The following APMAP variants were observed in gnomAD, a reference collection of about 807,000 sequenced individuals.
The protein encoded by APMAP is adipocyte plasma membrane-associated protein.
APMAP carries 33 observed loss-of-function variants against 43.6 expected under a neutral mutation model. The observed-to-expected ratio is 0.76, with a 90% confidence interval of 0.57 to 1.01. The LOEUF is 1.01. APMAP is among the 50% of genes least tolerant of loss of function. APMAP has a pLI of 0.00. For synonymous variants in APMAP, 224 were observed against 216.7 expected (o/e 1.03, Z -0.30); for missense variants, 498 against 540.7 (o/e 0.92, Z 0.78).
chr20:24,976,416 A>G (rs545406237), intron 3 of APMAP, among the ~76,000 whole-genome samples: 1 of 152,250 alleles, frequency 6.6e-6, no homozygotes, highest in Non-Finnish European at 1.5e-5. Context: ...AAGAAGATAT[A>G]CAGATGGCAG....
intron 4 of APMAP, among the ~76,000 whole-genome samples, chr20:24,972,001 G>T (rs957011806): frequency 6.8e-6 from 1 of 147,284 alleles, no homozygotes; most frequent in South Asian, 2.2e-4. Context: ...TCACTGTGGG[G>T]TGCTCACTAC....
Position 24,970,287 on chromosome 20 carries a change from T to A in APMAP, c.623A>T (p.Asp208Val). 6.2e-7 allele frequency: 1 copy of A among 1,613,934 alleles called. No homozygotes were observed. The highest frequency in any genetic ancestry group is 8.5e-7 in the Non-Finnish European group (1 of 1,180,004). ...ATCGGTGAAATAAATCTTCCTCCCA[T>A]CCTGAGTGACTGTAAGATCATTCAC... ...SFVNDLTVTQ[D>V]GRKIYFTDSS... Residue 208 changes from aspartate (D) to valine (V), a missense_variant, in exon 6 of 9, where the codon GAT becomes GTT. By Grantham distance (152) the Asp-to-Val change is radical. Coordinates refer to ENST00000217456, the MANE Select transcript of APMAP (RefSeq NM_020531.3).
intron 8 of APMAP, among the ~76,000 whole-genome samples, chr20:24,966,269 G>C (rs773414484): frequency 6.6e-6 from 1 of 152,206 alleles, no homozygotes; most frequent in Non-Finnish European, 1.5e-5. Context: ...GGCCACAGAT[G>C]GGTAATTTGA....
At position 24,971,536 on chromosome 20, in the gene APMAP, A is replaced by G; in HGVS notation, c.462T>C (p.Gly154=). The G allele has an allele frequency of 6.2e-7, 1 of 1,614,216 alleles. No homozygotes were observed. The highest frequency in any genetic ancestry group is 8.5e-7 in the Non-Finnish European group (1 of 1,180,040). The change falls in exon 5 of 9, where the codon GGT becomes GGC. Residue 154 remains glycine, a synonymous_variant. Transcript: ENST00000217456. ...DDEPVCGRPL[G]IRAGPNGTLF... is the part of the protein sequence containing the mutation. ...GAGTCCCATTGGGCCCTGCACGGAT[A>G]CCCAGGGGTCTCCCACACACAGGCT... is the stretch of plus-strand genomic sequence containing the variant.
intron 2 of APMAP, among the ~76,000 whole-genome samples, 162 bp downstream of exon 2, chr20:24,983,741 A>G (rs896229752): frequency 2.0e-5 from 3 of 152,196 alleles, no homozygotes; most frequent in Admixed American, 6.5e-5. Flanking sequence ...GTAACATCTA[A>G]TTCAGCATAA....
rs1416283532 is a variant in APMAP at position 24,992,622 on chromosome 20, C to T, written c.67G>A (p.Gly23Ser). ...LRPQVVTDDD[G>S]QAPEAKDGSS... ...CCGTCCTTAGCCTCCGGGGCCTGGC[C>T]ATCATCGTCTGTGACGACCTGCGGC... Residue 23 changes from glycine (G) to serine (S), a missense_variant, in exon 1 of 9, where the codon GGC (glycine) becomes AGC (serine). By Grantham distance (56) the Gly-to-Ser change is moderately conservative. Coordinates refer to ENST00000217456, the MANE Select transcript of APMAP (RefSeq NM_020531.3). 1.3e-6 allele frequency: 2 copies of T among 1,571,506 alleles called. No homozygotes were observed. The highest frequency in any genetic ancestry group is 1.7e-6 in the Non-Finnish European group (2 of 1,159,364).
chr20:24,965,084 C>A (rs554090938), intron 8 of APMAP, among the ~76,000 whole-genome samples: 1 of 152,354 alleles, frequency 6.6e-6, no homozygotes, highest in East Asian at 1.9e-4. Context: ...ATCTCCAACA[C>A]CAGTGCTAAG....
intron 1 of APMAP, among the ~76,000 whole-genome samples, chr20:24,989,987 T>C (rs144049129): frequency 6.6e-6 from 1 of 152,350 alleles, no homozygotes; most frequent in African/African-American, 2.4e-5. Context: ...TTGAAACATA[T>C]TAAATCCTCA....
At chr20:24,969,170 TC>T in intron 7 of APMAP, 86 bp from the exon 8 acceptor site, 3 of 1,282,456 alleles carry the variant, frequency 2.3e-6, no homozygotes, top group Non-Finnish European at 3.2e-6. Context: ...CTGGTCTTGG[TC>T]CAAATATATA....
In APMAP at chr20:24,978,865, A is replaced by C; in HGVS notation, c.230T>G (p.Leu77Arg). The part of the protein sequence containing the change: ...PQPLSFKEPP[L>R]LLGVLHPNTK... ...ATTTGGATGCAGAACACCAAGCAAG[A>C]GCGGGGGTTCTTTGAAGCTGCAAAA... Residue 77 changes from leucine to arginine, a missense_variant, in exon 3 of 9, where the codon CTC (leucine) becomes CGC (arginine). Coordinates refer to ENST00000217456, the MANE Select transcript of APMAP (RefSeq NM_020531.3). The C allele has an allele frequency of 6.2e-7, 1 of 1,613,852 alleles. No homozygotes were observed. Among genetic ancestry groups the C allele is most frequent in the African/African-American group, 1.3e-5 (1 of 74,994 alleles).
chr20:24,969,783 C>A, intron 6 of APMAP, 123 bp from the exon 7 acceptor site: 1 of 1,311,234 alleles, frequency 7.6e-7, no homozygotes, highest in East Asian at 2.5e-5. Flanking sequence ...CCTGGGTGCC[C>A]TGCTCAAACT....
At chr20:24,964,469 G>A (rs2087927041) in intron 8 of APMAP, 1 of 471,170 alleles carries the variant, frequency 2.1e-6, no homozygotes, top group African/African-American at 2.0e-5. Flanking sequence ...ATGGAGATTT[G>A]AGAGCAGCTC....
intron 1 of APMAP, among the ~76,000 whole-genome samples, chr20:24,984,722 G>C (rs2088133194): frequency 6.6e-6 from 1 of 152,226 alleles, no homozygotes; most frequent in Admixed American, 6.5e-5. Flanking sequence ...AATCCTGGGT[G>C]AAGTTTTTGG....
intron 8 of APMAP, among the ~76,000 whole-genome samples, chr20:24,967,302 A>G (rs551392585): frequency 6.6e-6 from 1 of 152,332 alleles, no homozygotes; most frequent in South Asian, 2.1e-4. Flanking sequence ...CTCAAAAACA[A>G]AAAACAAAAA....
At chr20:24,976,207 A>G (rs1600285028) in intron 3 of APMAP, among the ~76,000 whole-genome samples, 1 of 152,266 alleles carries the variant, frequency 6.6e-6, no homozygotes, top group African/African-American at 2.4e-5. Context: ...GTGAAACTTC[A>G]TTAAAATTAA....
rs181867455 is a variant in APMAP at position 24,968,962 on chromosome 20, C to A, written c.971G>T (p.Arg324Leu). The A allele has an allele frequency of 2.5e-6, 4 of 1,613,894 alleles. No homozygotes were observed. The highest frequency in any genetic ancestry group is 2.7e-5 in the African/African-American group (2 of 75,006). The change falls in exon 8 of 9, where the codon CGC becomes CTC. Residue 324 changes from arginine (R) to leucine (L), a missense_variant. Physicochemically the swap from Arg to Leu is moderately radical, Grantham distance 102. Coordinates refer to ENST00000217456, the MANE Select transcript of APMAP (RefSeq NM_020531.3). Reference protein sequence around the residue: ...GGYWVGMSTIRPNPGFSMLDF... With the variant: ...GGYWVGMSTILPNPGFSMLDF... The stretch of plus-strand genomic sequence containing the variant: ...CAGCATGGAAAACCCAGGGTTAGGG[C>A]GGATGGTCGACATGCCCACCCAGTA...
In APMAP at chr20:24,984,420, C is replaced by T. The variant is rs1345651380; in HGVS notation, c.96-401G>A. 3.3e-5 allele frequency among the ~76,000 whole-genome samples: 5 copies of T among 152,270 alleles called. No individual in the cohort carries two copies. The South Asian group carries it at 8.3e-4, about 25-fold the overall frequency. On this transcript the variant is annotated intron_variant, in intron 1 of 8. Transcript: ENST00000217456. ...GTAATTCTCAAAAGCTACGCATTCC[C>T]GGTGTATGGATTCAAAGCAGCAACA...
intron 8 of APMAP, 52 bp from the exon 9 acceptor site, chr20:24,964,074 T>G: frequency 6.3e-7 from 1 of 1,578,894 alleles, no homozygotes; most frequent in Non-Finnish European, 8.7e-7. Flanking sequence ...AAGAACACTG[T>G]GCGCAGATCA....
Position 24,963,889 on chromosome 20 carries a change from T to C in APMAP, c.1175A>G (p.His392Arg). The change falls in exon 9 of 9, where the codon CAC (histidine) becomes CGC (arginine). Residue 392 changes from histidine to arginine, a missense_variant. His to Arg is a conservative substitution (Grantham distance 29, BLOSUM62 0). Coordinates refer to ENST00000217456, the MANE Select transcript of APMAP (RefSeq NM_020531.3). ...GLVATYISEV[H>R]EHDGHLYLGS... ...CAGGTACAGGTGCCCATCGTGTTCGTGCACCTCGCTGATGTAGGTGGCCAC... is the reference window on the plus strand; with the variant it reads ...CAGGTACAGGTGCCCATCGTGTTCGCGCACCTCGCTGATGTAGGTGGCCAC... The C allele has an allele frequency of 6.2e-7, 1 of 1,614,198 alleles. No individual in the cohort carries two copies. Among genetic ancestry groups the C allele is most frequent in the Non-Finnish European group, 8.5e-7 (1 of 1,180,020 alleles).
Sources: allele counts gnomAD v4.1 joint callset (sites outside exome capture counted in the v4.1 genomes callset), GRCh38; gene constraint gnomAD v4.1.1; transcripts MANE v1.5; gene names NCBI Gene and HGNC (gene_info 2026-07-23, HGNC 2026-07-21).